The following SLC4A8 variants were observed in gnomAD, a reference collection of about 807,000 sequenced individuals.
SLC4A8 encodes solute carrier family 4 member 8.
A neutral mutation model predicts 125.0 loss-of-function variants in SLC4A8; 40 were observed. The observed-to-expected ratio is 0.32, with a 90% CI of 0.25 to 0.42. The LOEUF (loss-of-function observed/expected upper bound fraction) is 0.42. Ranked by LOEUF, SLC4A8 falls within the 10% of genes least tolerant of loss-of-function variation. SLC4A8 has a pLI of 1.00. For synonymous variants in SLC4A8, 456 were observed against 476.0 expected (o/e 0.96, Z 0.55); for missense variants, 863 against 1,355.1 (o/e 0.64, Z 5.70).
intron 16 of SLC4A8, among the ~76,000 whole-genome samples, chr12:51,477,142 G>A (rs1303715629): frequency 6.6e-6 from 1 of 151,984 alleles, no homozygotes; most frequent in Admixed American, 6.6e-5. Context: ...AACCTCAGGT[G>A]ATCCGCCTGC....
intron 1 of SLC4A8, among the ~76,000 whole-genome samples, chr12:51,430,963 A>T (rs895488217): frequency 2.2e-4 from 33 of 152,368 alleles, no homozygotes; most frequent in African/African-American, 7.2e-4. Flanking sequence ...TTTATCCTAC[A>T]GTTCTATAGT....
chr12:51,433,062 C>G (rs893501991), intron 1 of SLC4A8, among the ~76,000 whole-genome samples: 2 of 152,188 alleles, frequency 1.3e-5, no homozygotes, highest in African/African-American at 4.8e-5. Flanking sequence ...CTTCCCTGTT[C>G]CCTGTAGCCT....
intron 1 of SLC4A8, among the ~76,000 whole-genome samples, chr12:51,429,733 C>A (rs2138058497): frequency 6.6e-6 from 1 of 151,620 alleles, no homozygotes; most frequent in South Asian, 2.1e-4. Flanking sequence ...GGTCTTGAAT[C>A]CCTGGTCTCA....
intron 1 of SLC4A8, chr12:51,403,208 C>T: frequency 4.4e-6 from 2 of 456,976 alleles, no homozygotes. Context: ...CTCCTCGCTA[C>T]CGCCGGGGAG....
In SLC4A8 at chr12:51,509,090, A is replaced by C. The variant is rs1160665555; in HGVS notation, c.*1652A>C. 1 of 152,692 alleles carries C rather than the reference A, an allele frequency of 6.5e-6. No individual in the cohort carries two copies. Among genetic ancestry groups the C allele is most frequent in the Non-Finnish European group, 1.5e-5 (1 of 68,050 alleles). The allele number at this position is 152,692 out of a possible 1,614,324, so 9.5% of individuals were successfully genotyped here. On this transcript the variant is annotated 3_prime_UTR_variant, in exon 25 of 25. Coordinates refer to ENST00000453097, the MANE Select transcript of SLC4A8 (RefSeq NM_001039960.3). ...GGTACAGGACAGATGCCAGCCACTC[A>C]GAAGGGATGCCTGCTGTAAACAAGC... is the stretch of plus-strand genomic sequence containing the variant.
chr12:51,491,773 A>C (rs1263535876), intron 19 of SLC4A8, among the ~76,000 whole-genome samples: 2 of 151,474 alleles, frequency 1.3e-5, no homozygotes, highest in African/African-American at 2.4e-5. Flanking sequence ...ACACACACAC[A>C]CACACCCCTC....
chr12:51,404,619 TGGCTA>T (rs994049790), intron 1 of SLC4A8, among the ~76,000 whole-genome samples: 3 of 152,152 alleles, frequency 2.0e-5, no homozygotes, highest in African/African-American at 7.2e-5. Flanking sequence ...ATGTTTAGGG[TGGCTA>T]GTGATCATCT....
intron 2 of SLC4A8, among the ~76,000 whole-genome samples, chr12:51,447,589 C>G (rs560081905): frequency 2.6e-5 from 4 of 152,098 alleles, no homozygotes; most frequent in African/African-American, 7.2e-5. Flanking sequence ...GTACAGCAGT[C>G]AAGGCCATGA....
rs1337744868 is a variant in SLC4A8 at position 51,397,860 on chromosome 12, AGTTT to A, written c.-112+6374_-112+6377del. 3.3e-5 allele frequency among the ~76,000 whole-genome samples: 5 copies of A among 152,124 alleles called. No individual in the cohort carries two copies. The East Asian group carries it at 9.7e-4, about 30-fold the overall frequency. ...GACGGGAGGATTGCTTGTGTCCAGGAGTTTGAGACCAGCCTGGGCAACATAGTGA... is the reference window on the plus strand; with the variant it reads ...GACGGGAGGATTGCTTGTGTCCAGGAGAGACCAGCCTGGGCAACATAGTGA... On this transcript the variant is annotated intron_variant, in intron 1 of 24. Coordinates refer to the SLC4A8 transcript ENST00000358657.
intron 20 of SLC4A8, 86 bp downstream of exon 20, chr12:51,493,858 A>C: frequency 3.5e-6 from 3 of 856,906 alleles, no homozygotes; most frequent in Non-Finnish European, 6.1e-6. Flanking sequence ...CAAGAGAAGC[A>C]CAACCAGTTC....
At chr12:51,462,548 T>G (rs1950364024) in intron 10 of SLC4A8, 92 bp downstream of exon 10, 1 of 969,546 alleles carries the variant, frequency 1.0e-6, no homozygotes, top group African/African-American at 1.7e-5. Flanking sequence ...ATGCTAAATA[T>G]ATCAAGATGC....
At chr12:51,506,034 A>G (rs1180371417) in intron 24 of SLC4A8, 104 bp downstream of exon 24, 6 of 634,076 alleles carry the variant, frequency 9.5e-6, no homozygotes, top group African/African-American at 1.8e-5. Context: ...TTTGTGTAAT[A>G]AATAGCACTT....
intron 1 of SLC4A8, among the ~76,000 whole-genome samples, chr12:51,403,724 C>T (rs1449083553): frequency 6.6e-6 from 1 of 152,254 alleles, no homozygotes; most frequent in African/African-American, 2.4e-5. Flanking sequence ...TTTTATTTAA[C>T]ACCCGGCAAT....
At chr12:51,467,358 G>C (rs964024898) in intron 11 of SLC4A8, 2 of 152,200 alleles carry the variant, frequency 1.3e-5, no homozygotes, top group Non-Finnish European at 2.9e-5. Flanking sequence ...CCTAAGCCCA[G>C]ACCCAGATTA....
chr12:51,469,630 G>A lies in SLC4A8; in HGVS notation c.1366G>A (p.Val456Met). The change falls in exon 12 of 25, where the codon GTG becomes ATG. Residue 456 changes from valine to methionine, a missense_variant. Physicochemically the swap from Val to Met is conservative, Grantham distance 21. Coordinates refer to ENST00000453097, the MANE Select transcript of SLC4A8 (RefSeq NM_001039960.3). ...TTTCCACAGGCTATTTGGGGGCTTG[G>A]TGCTGGACATCAAGCGGAAGGCCCC... ...QRTGRLFGGL[V>M]LDIKRKAPWY... The A allele has an allele frequency of 6.2e-7, 1 of 1,613,490 alleles. No homozygotes were observed. The highest frequency in any genetic ancestry group is 8.5e-7 in the Non-Finnish European group (1 of 1,179,902).
chr12:51,440,080 G>A (rs1949545854), intron 1 of SLC4A8, among the ~76,000 whole-genome samples: 1 of 152,204 alleles, frequency 6.6e-6, no homozygotes, highest in Admixed American at 6.5e-5. Context: ...GGCCTGATAA[G>A]AGGAGCAGGA....
chr12:51,471,518 C>T lies in SLC4A8; in HGVS notation c.1890C>T (p.His630=). Residue 630 remains histidine, a synonymous_variant, in exon 14 of 25, where the codon CAC becomes CAT. Coordinates refer to ENST00000453097, the MANE Select transcript of SLC4A8 (RefSeq NM_001039960.3). The part of the protein sequence containing the change: ...YPIHMHSQLD[H]LSLYYCRCTL... The stretch of plus-strand genomic sequence containing the variant: ...TCCACATGCACAGCCAGCTGGACCA[C>T]CTTAGCCTCTATTAGTAAGTGTGCT... 1.2e-6 allele frequency: 2 copies of T among 1,613,806 alleles called. No individual in the cohort carries two copies. The highest frequency in any genetic ancestry group is 1.7e-6 in the Non-Finnish European group (2 of 1,179,862).
chr12:51,450,016 G>T (rs1036769555), intron 2 of SLC4A8, among the ~76,000 whole-genome samples: 2 of 152,264 alleles, frequency 1.3e-5, no homozygotes, highest in Admixed American at 1.3e-4. Flanking sequence ...GTGACAGAGT[G>T]AGATACTGTC....
upstream of SLC4A8, among the ~76,000 whole-genome samples, chr12:51,421,206 C>A (rs1479883353): frequency 6.6e-6 from 1 of 152,158 alleles, no homozygotes; most frequent in African/African-American, 2.4e-5. Context: ...CTGAATACCC[C>A]CAGCTCCACT....
Sources: allele counts gnomAD v4.1 joint callset (sites outside exome capture counted in the v4.1 genomes callset), GRCh38; gene constraint gnomAD v4.1.1; transcripts MANE v1.5; gene names NCBI Gene and HGNC (gene_info 2026-07-23, HGNC 2026-07-21).